Variants in HDAC9 observed in about 807,000 individuals in gnomAD.
HDAC9 encodes histone deacetylase 9, also known as MEF-2 interacting transcription repressor (MITR) protein.
HDAC9 carries 41 observed loss-of-function variants against 139.4 expected under a neutral mutation model. That is an observed-to-expected ratio of 0.29 (90% CI 0.23 to 0.38). HDAC9 has a LOEUF of 0.38. Ranked by LOEUF, HDAC9 falls within the 10% of genes least tolerant of loss-of-function variation. The pLI, the probability that HDAC9 is intolerant of heterozygous loss-of-function variation, is 1.00. For missense variants in HDAC9, 1,147 were observed against 1,297.0 expected (o/e 0.88, Z 1.78); for synonymous variants, 517 against 476.2 (o/e 1.09, Z -1.12).
chr7:18,824,084 GAAGAAC>G (rs1375189154), intron 17 of HDAC9, among the ~76,000 whole-genome samples: 3,205 of 143,676 alleles, frequency 0.022, 57 homozygotes, highest in African/African-American at 0.05. Flanking sequence ...AGAAGAAGAA[GAAGAAC>G]AAGAACAAGA....
At chr7:18,745,275 T>C (rs1584960313) in intron 13 of HDAC9, among the ~76,000 whole-genome samples, 1 of 152,170 alleles carries the variant, frequency 6.6e-6, no homozygotes, top group African/African-American at 2.4e-5. Flanking sequence ...AGTGGAAGTT[T>C]GGGGTTCCAG....
chr7:18,139,121 CTTT>C lies in HDAC9; in HGVS notation c.-96-23088_-96-23086del, dbSNP rs552350047. Among the ~76,000 whole-genome samples, 211 of 105,894 alleles carry C rather than the reference CTTT, an allele frequency of 2.0e-3. No individual in the cohort carries two copies. In the South Asian group the frequency reaches 0.022, roughly 11 times the overall value. The allele number at this position is 105,894 out of a possible 152,430, so 69.5% of individuals were successfully genotyped here. A position where few individuals can be genotyped will look rare whatever the true frequency, so the allele number is the denominator to read the frequency against. ...CACCATCATATAATTATAATCTGGA[CTTT>C]TTTTTTTTTTTTTTTTTTTGAGACA... is the stretch of plus-strand genomic sequence containing the variant. On this transcript the variant is annotated intron_variant, in intron 1 of 12. Transcript: ENST00000417496.
At chr7:18,870,215 C>T (rs1798811113) in intron 21 of HDAC9, among the ~76,000 whole-genome samples, 3 of 152,040 alleles carry the variant, frequency 2.0e-5, no homozygotes, top group Non-Finnish European at 4.4e-5. Context: ...GCAAATTTTC[C>T]ACTGATGTCC....
chr7:18,545,262 A>G (rs145084282), intron 2 of HDAC9, among the ~76,000 whole-genome samples: 274 of 152,100 alleles, frequency 1.8e-3, no homozygotes, highest in Non-Finnish European at 3.1e-3. Flanking sequence ...CAGTTTCAAC[A>G]TTAGCTTTCT....
chr7:18,748,331 T>G (rs1470920089), intron 13 of HDAC9, among the ~76,000 whole-genome samples: 1 of 152,234 alleles, frequency 6.6e-6, no homozygotes, highest in Admixed American at 6.5e-5. Context: ...GTATAATCTC[T>G]AGTAGTGGCA....
chr7:18,447,853 G>A (rs1189142927), intron 1 of HDAC9, among the ~76,000 whole-genome samples: 2 of 152,130 alleles, frequency 1.3e-5, no homozygotes, highest in African/African-American at 2.4e-5. Context: ...ATACAAAGGG[G>A]AGTGGTTAAA....
chr7:18,161,232 A>G (rs72591356), intron 1 of HDAC9, among the ~76,000 whole-genome samples: 2,355 of 152,348 alleles, frequency 0.015, 61 homozygotes, highest in East Asian at 0.11. Flanking sequence ...TAGAGACCAT[A>G]TAAGTATTAT....
intron 25 of HDAC9, among the ~76,000 whole-genome samples, chr7:18,986,672 T>C (rs1785383975): frequency 1.3e-5 from 2 of 152,188 alleles, no homozygotes; most frequent in African/African-American, 4.8e-5. Flanking sequence ...AGTATGGCCA[T>C]TTTCAGAAGA....
chr7:18,307,055 G>A (rs1267062426), intron 1 of HDAC9, among the ~76,000 whole-genome samples: 2 of 150,652 alleles, frequency 1.3e-5, no homozygotes, highest in South Asian at 2.1e-4. Context: ...TAAATTTATT[G>A]TGTGTTTATA....
At chr7:18,727,996 C>T (rs577000893) in intron 13 of HDAC9, among the ~76,000 whole-genome samples, 1 of 152,178 alleles carries the variant, frequency 6.6e-6, no homozygotes, top group Non-Finnish European at 1.5e-5. Context: ...AATACATCAA[C>T]AGGTGCATGA....
At chr7:18,377,646 TAGC>T (rs1333600972) in intron 1 of HDAC9, among the ~76,000 whole-genome samples, 2 of 152,186 alleles carry the variant, frequency 1.3e-5, no homozygotes, top group South Asian at 2.1e-4. Flanking sequence ...GAAATTTAAA[TAGC>T]AGCCTCCAGA....
chr7:18,594,097 C>T lies in HDAC9; in HGVS notation c.664+68C>T. Reference sequence around the variant, plus strand: ...CACCTGTAAGTTTCATTTTGCCACACCTCTAGAAGAAAGTCAAAGGATTTG... The same window carrying T: ...CACCTGTAAGTTTCATTTTGCCACATCTCTAGAAGAAAGTCAAAGGATTTG... On this transcript the variant is annotated intron_variant, in intron 6 of 25. Coordinates refer to ENST00000686413, the MANE Select transcript of HDAC9 (RefSeq NM_178425.4). 3 of 1,543,230 alleles carry T rather than the reference C, an allele frequency of 1.9e-6. No homozygotes were observed. The South Asian group carries it at 3.5e-5, about 18-fold the overall frequency.
At chr7:18,772,597 T>C (rs1335629351) in intron 16 of HDAC9, among the ~76,000 whole-genome samples, 1 of 152,082 alleles carries the variant, frequency 6.6e-6, no homozygotes, top group East Asian at 1.9e-4. Context: ...CCACTGTTGC[T>C]ATCAAAGAGG....
Position 18,732,637 on chromosome 7 carries a change from G to T in HDAC9, c.1909+4880G>T, listed in dbSNP as rs1438517233. Among the ~76,000 whole-genome samples the T allele has an allele frequency of 3.1e-5, 4 of 129,456 alleles. 1 individual carries two copies. The highest frequency in any genetic ancestry group is 6.4e-5 in the African/African-American group (2 of 31,356). 84.9% of individuals were successfully genotyped at this position (129,456 alleles called of 152,430 possible). The stretch of plus-strand genomic sequence containing the variant: ...TGTATATACACACACGTGTATATGT[G>T]TGCATATGTGTATATATACACACAC... On this transcript the variant is annotated intron_variant, in intron 13 of 25. Coordinates refer to ENST00000686413, the MANE Select transcript of HDAC9 (RefSeq NM_178425.4).
At chr7:18,703,025 G>A (rs1783625930) in intron 12 of HDAC9, among the ~76,000 whole-genome samples, 1 of 152,032 alleles carries the variant, frequency 6.6e-6, no homozygotes, top group South Asian at 2.1e-4. Context: ...AATAGCAAAT[G>A]CTATAAGGAA....
At chr7:18,344,945 A>T (rs1782286155) in intron 1 of HDAC9, among the ~76,000 whole-genome samples, 2 of 152,062 alleles carry the variant, frequency 1.3e-5, no homozygotes, top group South Asian at 4.1e-4. Flanking sequence ...TTAAAAAGTA[A>T]TCAGTCAGGT....
intron 25 of HDAC9, among the ~76,000 whole-genome samples, chr7:18,985,224 C>G (rs533468699): frequency 4.9e-4 from 74 of 152,128 alleles, no homozygotes; most frequent in Non-Finnish European, 8.5e-4. Context: ...CCCTACCCCC[C>G]CAACCCCACA....
intron 1 of HDAC9, among the ~76,000 whole-genome samples, chr7:18,478,220 C>T (rs908768692): frequency 5.3e-5 from 8 of 152,048 alleles, no homozygotes; most frequent in Non-Finnish European, 1.2e-4. Context: ...TACAGGCGCC[C>T]GCCACCATGC....
Position 18,818,830 on chromosome 7 carries a change from T to C in HDAC9, c.2323-10331T>C, listed in dbSNP as rs531431456. On this transcript the variant is annotated intron_variant, in intron 17 of 25. Transcript: ENST00000686413. ...TCTTACCATCCAAATACTATTTGGCTATGGGGATGTTAGAGAAATGGAAAT... is the reference window on the plus strand; with the variant it reads ...TCTTACCATCCAAATACTATTTGGCCATGGGGATGTTAGAGAAATGGAAAT... 7.9e-5 allele frequency among the ~76,000 whole-genome samples: 12 copies of C among 152,342 alleles called. No homozygotes were observed. In the South Asian group the frequency reaches 2.5e-3, roughly 32 times the overall value.
Sources: gnomAD v4.1 joint callset for allele counts (sites outside exome capture counted in the v4.1 genomes callset) on GRCh38, gnomAD v4.1.1 for gene constraint, MANE v1.5 for transcripts, NCBI Gene and HGNC (gene_info 2026-07-23, HGNC 2026-07-21) for gene names.